The following SNAP29 variants were observed in gnomAD, a reference collection of about 807,000 sequenced individuals.
SNAP29 encodes the protein synaptosomal-associated protein 29.
In SNAP29, 13 loss-of-function variants were observed where a neutral mutation model predicts 27.9. That is an observed-to-expected ratio of 0.47 (90% confidence interval 0.30 to 0.74). The LOEUF is 0.74. SNAP29 is among the 30% of genes least tolerant of loss of function. SNAP29 has a pLI of 0.06. For missense variants in SNAP29, 368 were observed against 336.5 expected (o/e 1.09, Z -0.73); for synonymous variants, 119 against 127.1 (o/e 0.94, Z 0.43).
At position 20,859,135 on chromosome 22, in the gene SNAP29, A is replaced by C. The variant is rs1928119889; in HGVS notation, c.25A>C (p.Asn9His). The C allele has an allele frequency of 6.2e-7, 1 of 1,608,056 alleles. No individual in the cohort carries two copies. Among genetic ancestry groups the C allele is most frequent in the African/African-American group, 1.3e-5 (1 of 74,906 alleles). The change falls in exon 1 of 5, where the codon AAT becomes CAT. Residue 9 changes from asparagine to histidine, a missense_variant. Coordinates refer to ENST00000215730, the MANE Select transcript of SNAP29 (RefSeq NM_004782.4). Reference sequence around the variant, plus strand: ...CATGTCAGCTTACCCTAAAAGCTACAATCCGTTCGACGACGACGGGGAGGA... The same window carrying C: ...CATGTCAGCTTACCCTAAAAGCTACCATCCGTTCGACGACGACGGGGAGGA... MSAYPKSY[N>H]PFDDDGEDEG...
At chr22:20,879,611 T>C (rs1928841871) in intron 2 of SNAP29, among the ~76,000 whole-genome samples, 1 of 151,674 alleles carries the variant, frequency 6.6e-6, no homozygotes, top group African/African-American at 2.4e-5. Flanking sequence ...TTTGGGAGGC[T>C]AAGGCGGGCG....
intron 2 of SNAP29, among the ~76,000 whole-genome samples, chr22:20,879,125 G>A (rs973024154): frequency 3.3e-5 from 5 of 152,008 alleles, no homozygotes; most frequent in African/African-American, 9.7e-5. Context: ...GGCTAACACG[G>A]TGAAACCCCG....
chr22:20,875,854 C>T lies in SNAP29; in HGVS notation c.435-5195C>T, dbSNP rs928208079. 8.6e-5 allele frequency among the ~76,000 whole-genome samples: 13 copies of T among 150,532 alleles called. 2 individuals carry two copies. The highest frequency in any genetic ancestry group is 5.3e-4 in the Admixed American group (8 of 15,150). On this transcript the variant is annotated intron_variant, in intron 2 of 4. Coordinates refer to ENST00000215730, the MANE Select transcript of SNAP29 (RefSeq NM_004782.4). ...AGGCCTGTAGTCATATTTACATGGA[C>T]GACCAAAAAAAAAAATGGGGGGGCG...
At chr22:20,885,084 T>G (rs1569121112) in intron 4 of SNAP29, among the ~76,000 whole-genome samples, 1 of 152,246 alleles carries the variant, frequency 6.6e-6, no homozygotes, top group African/African-American at 2.4e-5. Context: ...CCAGTGATTA[T>G]TTTTTGAATG....
At position 20,888,104 on chromosome 22, in the gene SNAP29, G is replaced by A. The variant is rs946380249; in HGVS notation, c.*268G>A. On this transcript the variant is annotated 3_prime_UTR_variant, in exon 5 of 5. Coordinates refer to ENST00000215730, the MANE Select transcript of SNAP29 (RefSeq NM_004782.4). ...TAGCCTGGCCCTGCATATCTTGGGC[G>A]TTTGATTACCATGCTGGAATAAGAA... is the stretch of plus-strand genomic sequence containing the variant. 11 of 455,364 alleles carry A rather than the reference G, an allele frequency of 2.4e-5. No homozygotes were observed. Among genetic ancestry groups the A allele is most frequent in the Middle Eastern group, 6.2e-4 (1 of 1,606 alleles). 28.2% of individuals were successfully genotyped at this position (455,364 alleles called of 1,614,324 possible). A position where few individuals can be genotyped will look rare whatever the true frequency, so the allele number is the denominator to read the frequency against.
intron 1 of SNAP29, among the ~76,000 whole-genome samples, chr22:20,870,082 T>C (rs1238816896): frequency 1.3e-5 from 2 of 152,052 alleles, no homozygotes; most frequent in African/African-American, 4.8e-5. Flanking sequence ...CCATCCATCT[T>C]AACATGGCGC....
At chr22:20,872,644 T>C (rs1928621452) in intron 2 of SNAP29, among the ~76,000 whole-genome samples, 1 of 151,806 alleles carries the variant, frequency 6.6e-6, no homozygotes, top group African/African-American at 2.4e-5. Context: ...TCGTGATCCA[T>C]CCGCCTCCGC....
At chr22:20,866,615 C>T (rs1601645860) in intron 1 of SNAP29, among the ~76,000 whole-genome samples, 1 of 152,144 alleles carries the variant, frequency 6.6e-6, no homozygotes, top group Non-Finnish European at 1.5e-5. Flanking sequence ...GTCACTGCTG[C>T]CCTTTGAAGG....
chr22:20,884,498 G>A (rs961030153), intron 4 of SNAP29, among the ~76,000 whole-genome samples: 3 of 151,942 alleles, frequency 2.0e-5, no homozygotes, highest in Non-Finnish European at 4.4e-5. Flanking sequence ...TTTCTGCCTC[G>A]TGGCCCCTAT....
intron 2 of SNAP29, among the ~76,000 whole-genome samples, chr22:20,871,438 G>A (rs1928588626): frequency 6.9e-6 from 1 of 144,280 alleles, no homozygotes. Context: ...AAGCTATGAT[G>A]GTGCCACTGC....
At chr22:20,882,234 T>C (rs2147871718) in intron 3 of SNAP29, among the ~76,000 whole-genome samples, 2 of 151,646 alleles carry the variant, frequency 1.3e-5, no homozygotes, top group South Asian at 4.2e-4. Flanking sequence ...TTGTGGTCAT[T>C]TGTCACAGCA....
chr22:20,863,883 A>G (rs1250422836), intron 1 of SNAP29, among the ~76,000 whole-genome samples: 1 of 151,928 alleles, frequency 6.6e-6, no homozygotes, highest in African/African-American at 2.4e-5. Flanking sequence ...TATTGTATAC[A>G]TTCTGGTCTG....
intron 2 of SNAP29, chr22:20,870,961 A>G (rs1363380822): frequency 3.3e-6 from 1 of 300,606 alleles, no homozygotes; most frequent in Non-Finnish European, 6.5e-6. Context: ...ACATAGTGGG[A>G]ACCCAGTCTT....
At chr22:20,884,929 C>G (rs1023996693) in intron 4 of SNAP29, among the ~76,000 whole-genome samples, 1 of 152,170 alleles carries the variant, frequency 6.6e-6, no homozygotes, top group African/African-American at 2.4e-5. Context: ...ACATGCACCA[C>G]CATGCTCAGC....
At chr22:20,868,379 G>C (rs1483828979) in intron 1 of SNAP29, among the ~76,000 whole-genome samples, 3 of 152,160 alleles carry the variant, frequency 2.0e-5, no homozygotes, top group African/African-American at 7.2e-5. Flanking sequence ...TTTATTTCCA[G>C]CAAGAGTTAA....
intron 1 of SNAP29, among the ~76,000 whole-genome samples, chr22:20,866,426 C>G (rs1352273366): frequency 1.3e-5 from 2 of 152,240 alleles, no homozygotes; most frequent in Non-Finnish European, 1.5e-5. Flanking sequence ...CTCACTGACT[C>G]CAGATTGGCC....
rs5996957 is a variant in SNAP29, at chr22:20,874,317, G to C, written c.434+3784G>C. Reference sequence around the variant, plus strand: ...ACTCTGACACACACAGACACACACAGACACACACACACACACACACACGAA... The same window carrying C: ...ACTCTGACACACACAGACACACACACACACACACACACACACACACACGAA... On this transcript the variant is annotated intron_variant, in intron 2 of 4. Coordinates refer to ENST00000215730, the MANE Select transcript of SNAP29 (RefSeq NM_004782.4). Among the ~76,000 whole-genome samples the C allele has an allele frequency of 3.1e-3, 372 of 118,128 alleles. 6 individuals carry two copies. The East Asian group carries it at 0.06, about 19-fold the overall frequency. 77.5% of individuals were successfully genotyped at this position (118,128 alleles called of 152,430 possible). A position where few individuals can be genotyped will look rare whatever the true frequency, so the allele number is the denominator to read the frequency against.
chr22:20,866,110 T>G (rs1928453556), intron 1 of SNAP29, among the ~76,000 whole-genome samples: 1 of 152,216 alleles, frequency 6.6e-6, no homozygotes, highest in African/African-American at 2.4e-5. Flanking sequence ...CACACCTCTC[T>G]TTGGAATGTG....
chr22:20,870,744 G>T, intron 2 of SNAP29: 1 of 627,966 alleles, frequency 1.6e-6, no homozygotes, highest in East Asian at 2.8e-5. Flanking sequence ...TCTGTCAATA[G>T]CTTCTCCAAT....
Sources: allele counts gnomAD v4.1 joint callset (sites outside exome capture counted in the v4.1 genomes callset), GRCh38; gene constraint gnomAD v4.1.1; transcripts MANE v1.5; gene names NCBI Gene and HGNC (gene_info 2026-07-23, HGNC 2026-07-21).